The following PPP6R3 variants were observed in gnomAD, a reference collection of about 807,000 sequenced individuals.
PPP6R3 encodes the protein protein phosphatase 6 regulatory subunit 3, also known as serine/threonine-protein phosphatase 6 regulatory subunit 3.
A neutral mutation model predicts 110.7 loss-of-function variants in PPP6R3; 38 were observed. The observed-to-expected ratio is 0.34, with a 90% CI of 0.26 to 0.45. PPP6R3 has a LOEUF of 0.45. Ranked by LOEUF, PPP6R3 falls within the 20% of genes least tolerant of loss-of-function variation. The probability of loss-of-function intolerance (pLI) is 1.00; values close to 1 mark genes in which losing one functional copy is unlikely to be tolerated. For missense variants in PPP6R3, 870 were observed against 1,062.4 expected (o/e 0.82, Z 2.52); for synonymous variants, 369 against 373.5 (o/e 0.99, Z 0.14).
intron 1 of PPP6R3, among the ~76,000 whole-genome samples, chr11:68,492,472 A>G (rs2098990130): frequency 6.6e-6 from 1 of 152,206 alleles, no homozygotes; most frequent in Non-Finnish European, 1.5e-5. Flanking sequence ...AGGCTGAGTT[A>G]TATTTCATTT....
intron 19 of PPP6R3, among the ~76,000 whole-genome samples, chr11:68,597,750 A>C (rs1299922397): frequency 6.7e-6 from 1 of 148,710 alleles, no homozygotes; most frequent in Non-Finnish European, 1.5e-5. Context: ...AGGCCGAGTC[A>C]GGCGGATCAC....
chr11:68,528,487 C>T (rs1375385130), intron 2 of PPP6R3, among the ~76,000 whole-genome samples: 1 of 149,052 alleles, frequency 6.7e-6, no homozygotes, highest in Admixed American at 6.8e-5. Flanking sequence ...AATGGAGAAA[C>T]AGCTACTGCG....
chr11:68,525,527 A>T (rs1162919782), intron 2 of PPP6R3, among the ~76,000 whole-genome samples: 1 of 152,218 alleles, frequency 6.6e-6, no homozygotes, highest in African/African-American at 2.4e-5. Flanking sequence ...CTGAAGGTTA[A>T]CAGTTTATTG....
chr11:68,560,197 A>G (rs2099413955), intron 8 of PPP6R3, among the ~76,000 whole-genome samples: 1 of 152,254 alleles, frequency 6.6e-6, no homozygotes, highest in Non-Finnish European at 1.5e-5. Flanking sequence ...AAGGAAAGAA[A>G]TAATAAAATT....
chr11:68,598,020 T>TTGTGTAACAGG (rs1309807061), intron 19 of PPP6R3, among the ~76,000 whole-genome samples: 1 of 152,064 alleles, frequency 6.6e-6, no homozygotes, highest in Non-Finnish European at 1.5e-5. Context: ...ATTCACACTG[T>TTGTGTAACAGG]TGTGTAACAG....
At chr11:68,526,091 T>A (rs76075971) in intron 2 of PPP6R3, among the ~76,000 whole-genome samples, 1 of 152,320 alleles carries the variant, frequency 6.6e-6, no homozygotes, top group African/African-American at 2.4e-5. Context: ...TAACCATGTT[T>A]CCTACTCTCC....
chr11:68,612,130 A>C (rs1367464175), intron 23 of PPP6R3, among the ~76,000 whole-genome samples: 4 of 152,232 alleles, frequency 2.6e-5, no homozygotes, highest in Non-Finnish European at 4.4e-5. Context: ...TCTACTTATA[A>C]GATCACTCAG....
Position 68,614,398 on chromosome 11 carries a change from CT to C in PPP6R3, c.*1285del. Reference sequence around the variant, plus strand: ...GGGTTAAATTACTTCACCTCTTGCACTTTTAGATGCAAATCAGTTTTTCATT... The same window carrying C: ...GGGTTAAATTACTTCACCTCTTGCACTTTAGATGCAAATCAGTTTTTCATT... On this transcript the variant is annotated 3_prime_UTR_variant, in exon 24 of 24. Transcript: ENST00000393800. 1 of 1,277,550 alleles carries C rather than the reference CT, an allele frequency of 7.8e-7. No homozygotes were observed. The highest frequency in any genetic ancestry group is 1.9e-5 in the South Asian group (1 of 52,726). 79.1% of individuals were successfully genotyped at this position (1,277,550 alleles called of 1,614,324 possible).
intron 8 of PPP6R3, among the ~76,000 whole-genome samples, chr11:68,562,840 A>G (rs1319293062): frequency 6.6e-6 from 1 of 152,248 alleles, no homozygotes; most frequent in East Asian, 1.9e-4. Context: ...AGTCATGTAC[A>G]GATTGTTTAG....
chr11:68,516,555 A>T (rs1055417282), intron 1 of PPP6R3, among the ~76,000 whole-genome samples: 2 of 152,184 alleles, frequency 1.3e-5, no homozygotes, highest in Non-Finnish European at 2.9e-5. Context: ...TGGACAGGGG[A>T]TACTCCGTCT....
intron 3 of PPP6R3, among the ~76,000 whole-genome samples, chr11:68,541,306 T>C (rs1179250470): frequency 6.6e-6 from 1 of 152,128 alleles, no homozygotes; most frequent in African/African-American, 2.4e-5. Flanking sequence ...TTAGGGACTG[T>C]AGGAGGACAG....
intron 1 of PPP6R3, among the ~76,000 whole-genome samples, chr11:68,477,714 G>C (rs1363731723): frequency 8.6e-6 from 1 of 116,680 alleles, no homozygotes; most frequent in Non-Finnish European, 1.7e-5. Context: ...GAGACAGAGA[G>C]AGACATTGTC....
rs1944408385 is a variant in PPP6R3 at position 68,613,123 on chromosome 11, G to A, written c.*6G>A. On this transcript the variant is annotated 3_prime_UTR_variant, in exon 24 of 24. Coordinates refer to ENST00000393800, the MANE Select transcript of PPP6R3 (RefSeq NM_001164161.2). ...CAGTGAATGGCCCTGTATGACGGGT[G>A]ACGTCTGCTGCTGCTGACTGAGGAC... The A allele has an allele frequency of 6.2e-7, 1 of 1,614,028 alleles. No individual in the cohort carries two copies. The highest frequency in any genetic ancestry group is 8.5e-7 in the Non-Finnish European group (1 of 1,179,976).
intron 1 of PPP6R3, among the ~76,000 whole-genome samples, chr11:68,465,257 T>C (rs1002038601): frequency 1.3e-5 from 2 of 152,316 alleles, no homozygotes; most frequent in South Asian, 4.1e-4. Flanking sequence ...GTTCTGCCCA[T>C]TGAGGGCACA....
chr11:68,484,873 C>A lies in PPP6R3; in HGVS notation c.-158+24046C>A, dbSNP rs180865314. Among the ~76,000 whole-genome samples, 314 of 152,276 alleles carry A rather than the reference C, an allele frequency of 2.1e-3. 3 individuals are homozygous for A. The Middle Eastern group carries it at 0.051, about 25-fold the overall frequency. ...ATGTGCTGAGATTACAGGCATGAGC[C>A]ACAGCGCCCAGCCTTCTTTATATAT... On this transcript the variant is annotated intron_variant, in intron 1 of 23. Coordinates refer to ENST00000393800, the MANE Select transcript of PPP6R3 (RefSeq NM_001164161.2).
chr11:68,465,072 G>T (rs2098736281), intron 1 of PPP6R3, among the ~76,000 whole-genome samples: 1 of 152,046 alleles, frequency 6.6e-6, no homozygotes. Flanking sequence ...AGTAGAGATG[G>T]GGTTTCACCA....
At chr11:68,541,796 C>T (rs2099317007) in intron 3 of PPP6R3, among the ~76,000 whole-genome samples, 1 of 152,016 alleles carries the variant, frequency 6.6e-6, no homozygotes, top group African/African-American at 2.4e-5. Context: ...GGCTGCTACC[C>T]TGGAAACCAA....
intron 17 of PPP6R3, among the ~76,000 whole-genome samples, chr11:68,591,315 A>G (rs2099594734): frequency 6.6e-6 from 1 of 152,182 alleles, no homozygotes; most frequent in African/African-American, 2.4e-5. Flanking sequence ...TGGGATTACA[A>G]TGATGCTTTG....
rs373976060 is a variant in PPP6R3, at chr11:68,504,983, C to T, written c.-157-14518C>T. On this transcript the variant is annotated intron_variant, in intron 1 of 23. Transcript: ENST00000393800. ...GGTCTGGTTTCAATTTACTTCATTT[C>T]TTAAGAGTTTAAACTGGTTTTTATA... 3.8e-3 allele frequency among the ~76,000 whole-genome samples: 575 copies of T among 152,276 alleles called. 5 individuals are homozygous for T. Among genetic ancestry groups the T allele is most frequent in the African/African-American group, 0.011 (449 of 41,550 alleles).
Sources: gnomAD v4.1 joint callset for allele counts (sites outside exome capture counted in the v4.1 genomes callset) on GRCh38, gnomAD v4.1.1 for gene constraint, MANE v1.5 for transcripts, NCBI Gene and HGNC (gene_info 2026-07-23, HGNC 2026-07-21) for gene names.